NAALADL2: variants seen among roughly 807,000 people sequenced by gnomAD.
NAALADL2 encodes N-acetylated alpha-linked acidic dipeptidase like 2, also known as inactive N-acetylated-alpha-linked acidic dipeptidase-like protein 2.
In NAALADL2, 76 loss-of-function variants were observed where a neutral mutation model predicts 87.2. The observed-to-expected ratio is 0.87, with a 90% CI of 0.72 to 1.05. The LOEUF (loss-of-function observed/expected upper bound fraction) is 1.05, where lower values mean the gene tolerates loss of function less well. Ranked by LOEUF, NAALADL2 falls within the 50% of genes least tolerant of loss-of-function variation. NAALADL2 has a pLI of 0.00. For missense variants in NAALADL2, 1,089 were observed against 945.8 expected, an observed-to-expected ratio of 1.15 and a Z score of -1.99; for synonymous variants, 354 against 331.0, an observed-to-expected ratio of 1.07 and a Z score of -0.75.
chr3:175,332,151 G>A (rs1761480789), intron 5 of NAALADL2, among the ~76,000 whole-genome samples: 1 of 152,084 alleles, frequency 6.6e-6, no homozygotes, highest in Admixed American at 6.6e-5. Context: ...TGACCAAACT[G>A]CCTAAATGAA....
intron 12 of NAALADL2, among the ~76,000 whole-genome samples, chr3:175,744,239 A>AT (rs1419930400): frequency 6.6e-6 from 1 of 152,186 alleles, no homozygotes; most frequent in Non-Finnish European, 1.5e-5. Context: ...TTCAATGGAG[A>AT]TTTTCACTCC....
At chr3:175,541,339 A>C (rs6443311) in intron 9 of NAALADL2, among the ~76,000 whole-genome samples, 11,283 of 152,232 alleles carry the variant, frequency 0.074, 1,063 homozygotes, top group African/African-American at 0.23. Flanking sequence ...AAATATAAGT[A>C]AAAAATGCAT....
chr3:175,787,701 C>T (rs373127108), intron 13 of NAALADL2, among the ~76,000 whole-genome samples: 59 of 152,194 alleles, frequency 3.9e-4, no homozygotes, highest in East Asian at 2.3e-3. Context: ...AGCTGTAGAC[C>T]GGAGCTGTTC....
chr3:174,925,761 T>A (rs1398320242), intron 1 of NAALADL2, among the ~76,000 whole-genome samples: 2 of 152,154 alleles, frequency 1.3e-5, no homozygotes, highest in Non-Finnish European at 2.9e-5. Context: ...GAGCTGTGGT[T>A]TGTAGTTCTC....
intron 2 of NAALADL2, among the ~76,000 whole-genome samples, chr3:174,558,927 A>G (rs1211396473): frequency 1.3e-5 from 2 of 152,174 alleles, no homozygotes; most frequent in African/African-American, 2.4e-5. Context: ...GTATACATGA[A>G]AATATGACAT....
chr3:175,304,608 A>G (rs556592794), intron 4 of NAALADL2, among the ~76,000 whole-genome samples: 7 of 152,030 alleles, frequency 4.6e-5, no homozygotes, highest in Non-Finnish European at 8.8e-5. Flanking sequence ...GCTCATTTCA[A>G]CTCGCAGGGT....
chr3:175,637,137 G>A (rs1188815376), intron 11 of NAALADL2, among the ~76,000 whole-genome samples: 1 of 152,216 alleles, frequency 6.6e-6, no homozygotes, highest in Non-Finnish European at 1.5e-5. Flanking sequence ...TACAGATATT[G>A]TGACACTATG....
intron 2 of NAALADL2, among the ~76,000 whole-genome samples, chr3:175,133,592 C>G (rs976510238): frequency 3.9e-5 from 6 of 152,178 alleles, no homozygotes; most frequent in Non-Finnish European, 8.8e-5. Flanking sequence ...CGTGGCGGCG[C>G]GCGCCTGCAA....
chr3:175,057,753 C>T (rs115327452), intron 1 of NAALADL2, among the ~76,000 whole-genome samples: 1,832 of 152,276 alleles, frequency 0.012, 30 homozygotes, highest in African/African-American at 0.042. Flanking sequence ...GAATCCAGAT[C>T]GTTGGCTGTT....
intron 5 of NAALADL2, among the ~76,000 whole-genome samples, chr3:175,370,715 T>G (rs2148947497): frequency 6.6e-6 from 1 of 152,344 alleles, no homozygotes; most frequent in Non-Finnish European, 1.5e-5. Flanking sequence ...TGCTTCTGAT[T>G]CCAACATTCG....
At chr3:175,019,806 A>T (rs1751338431) in intron 1 of NAALADL2, among the ~76,000 whole-genome samples, 1 of 152,074 alleles carries the variant, frequency 6.6e-6, no homozygotes. Context: ...ATATTTGTAA[A>T]TGTCATTCTC....
At chr3:174,817,140 C>T (rs1313245539) in intron 3 of NAALADL2, among the ~76,000 whole-genome samples, 1 of 152,090 alleles carries the variant, frequency 6.6e-6, no homozygotes, top group South Asian at 2.1e-4. Flanking sequence ...AAAGGAAAAT[C>T]AACACATTGA....
At position 175,215,625 on chromosome 3, in the gene NAALADL2, A is replaced by G. The variant is rs1197472920; in HGVS notation, c.546-18306A>G. ...CCTGGCCTCAGAAATTCTGCAAATA[A>G]TGCTTCCTAACCACTGGATAGAAAG... On this transcript the variant is annotated intron_variant, in intron 2 of 13. Transcript: ENST00000454872. Among the ~76,000 whole-genome samples, 3 of 152,228 alleles carry G rather than the reference A, an allele frequency of 2.0e-5. No individual in the cohort carries two copies. The East Asian group carries it at 5.8e-4, about 30-fold the overall frequency.
intron 3 of NAALADL2, among the ~76,000 whole-genome samples, chr3:174,854,278 A>C (rs534129064): frequency 6.6e-6 from 1 of 152,216 alleles, no homozygotes; most frequent in East Asian, 1.9e-4. Flanking sequence ...TAAGCCAGGC[A>C]CAGAAAGATA....
chr3:175,590,073 G>A (rs932452501), intron 10 of NAALADL2, among the ~76,000 whole-genome samples: 4 of 151,960 alleles, frequency 2.6e-5, no homozygotes, highest in Non-Finnish European at 4.4e-5. Flanking sequence ...TTAGCCGGGC[G>A]TGGTGGCGGG....
intron 5 of NAALADL2, among the ~76,000 whole-genome samples, chr3:175,439,535 C>T (rs895365919): frequency 6.6e-6 from 1 of 151,712 alleles, no homozygotes; most frequent in Non-Finnish European, 1.5e-5. Flanking sequence ...TATGGCCATT[C>T]TTGCAGAAGC....
chr3:175,788,439 G>C (rs1167357676), intron 13 of NAALADL2, among the ~76,000 whole-genome samples: 1 of 151,992 alleles, frequency 6.6e-6, no homozygotes, highest in Non-Finnish European at 1.5e-5. Context: ...TCTATGTCTA[G>C]ATGTGTTTAT....
At chr3:174,757,675 TA>T (rs2109060298) in intron 3 of NAALADL2, among the ~76,000 whole-genome samples, 1 of 151,976 alleles carries the variant, frequency 6.6e-6, no homozygotes, top group Non-Finnish European at 1.5e-5. Context: ...TATTTTATTT[TA>T]TTTTTTTTTG....
At chr3:175,639,318 C>CTTTTTTTTTTTTTTTTTTTT (rs756214274) in intron 11 of NAALADL2, among the ~76,000 whole-genome samples, 2 of 108,764 alleles carry the variant, frequency 1.8e-5, no homozygotes, top group African/African-American at 8.3e-5. Context: ...AAGCGTTATT[C>CTTTTTTTTTTTTTTTTTTTT]TTTTTTTTTT....
Sources: gnomAD v4.1 joint callset for allele counts (sites outside exome capture counted in the v4.1 genomes callset) on GRCh38, gnomAD v4.1.1 for gene constraint, MANE v1.5 for transcripts, NCBI Gene and HGNC (gene_info 2026-07-23, HGNC 2026-07-21) for gene names.